The following SPHKAP variants were observed in gnomAD, a reference collection of about 807,000 sequenced individuals.
SPHKAP encodes A-kinase anchor protein SPHKAP.
Under a neutral mutation model 137.5 loss-of-function variants are expected in SPHKAP, and 67 were observed. That is an observed-to-expected ratio of 0.49 (90% CI 0.40 to 0.60). SPHKAP has a LOEUF of 0.60. Ranked by LOEUF, SPHKAP falls within the 20% of genes least tolerant of loss-of-function variation. The pLI, the probability that SPHKAP is intolerant of heterozygous loss-of-function variation, is 0.00. For missense variants in SPHKAP, 2,097 were observed against 2,069.3 expected, an observed-to-expected ratio of 1.01 and a Z score of -0.26; for synonymous variants, 813 against 785.3, an observed-to-expected ratio of 1.04 and a Z score of -0.59.
chr2:228,039,120 T>C (rs1449689878), intron 3 of SPHKAP, among the ~76,000 whole-genome samples: 3 of 152,232 alleles, frequency 2.0e-5, no homozygotes, highest in Non-Finnish European at 4.4e-5. Context: ...ATAAAATACA[T>C]TTCTTTTGTG....
At chr2:228,091,015 AG>A (rs1224200433) in intron 3 of SPHKAP, among the ~76,000 whole-genome samples, 1 of 152,254 alleles carries the variant, frequency 6.6e-6, no homozygotes, top group South Asian at 2.1e-4. Context: ...TATTAAAAAT[AG>A]TAGTAACATG....
intron 3 of SPHKAP, among the ~76,000 whole-genome samples, chr2:228,076,710 CAG>C (rs1348118257): frequency 6.6e-6 from 1 of 152,116 alleles, no homozygotes; most frequent in Non-Finnish European, 1.5e-5. Flanking sequence ...AAAAGAGAAA[CAG>C]AGCATAAAAG....
At chr2:228,076,908 G>A (rs1470867160) in intron 3 of SPHKAP, among the ~76,000 whole-genome samples, 1 of 152,142 alleles carries the variant, frequency 6.6e-6, no homozygotes, top group East Asian at 1.9e-4. Context: ...CACAGACCCT[G>A]AGGTCTAGAA....
chr2:227,987,708 C>T (rs1693263546), intron 11 of SPHKAP, among the ~76,000 whole-genome samples: 1 of 151,994 alleles, frequency 6.6e-6, no homozygotes, highest in South Asian at 2.1e-4. Context: ...GTGCCCCCAA[C>T]TCCAAGGCCA....
intron 3 of SPHKAP, among the ~76,000 whole-genome samples, chr2:228,097,872 C>T (rs1429224038): frequency 6.6e-6 from 1 of 152,074 alleles, no homozygotes; most frequent in Non-Finnish European, 1.5e-5. Flanking sequence ...TTTTCTTTAC[C>T]CAGTCCACCA....
intron 7 of SPHKAP, among the ~76,000 whole-genome samples, chr2:228,009,111 T>C (rs1018781887): frequency 6.6e-6 from 1 of 152,198 alleles, no homozygotes; most frequent in Non-Finnish European, 1.5e-5. Context: ...ACGAATAGCC[T>C]TTATTTTTGA....
intron 2 of SPHKAP, among the ~76,000 whole-genome samples, chr2:228,113,862 G>C (rs899252680): frequency 6.6e-6 from 1 of 151,956 alleles, no homozygotes; most frequent in Non-Finnish European, 1.5e-5. Flanking sequence ...AGTATGCATT[G>C]AGAGCCAAAT....
intron 3 of SPHKAP, among the ~76,000 whole-genome samples, chr2:228,033,249 C>A (rs1474280826): frequency 6.6e-6 from 1 of 152,078 alleles, no homozygotes; most frequent in Non-Finnish European, 1.5e-5. Flanking sequence ...ATAAAACAGA[C>A]TTTAAACTAA....
chr2:227,997,737 T>C (rs538441488), intron 7 of SPHKAP, among the ~76,000 whole-genome samples: 6 of 152,330 alleles, frequency 3.9e-5, no homozygotes, highest in Admixed American at 1.3e-4. Context: ...TTCTTTCTTT[T>C]TGGTGAAATG....
At chr2:228,175,278 A>T (rs953502508) in intron 1 of SPHKAP, among the ~76,000 whole-genome samples, 2 of 150,538 alleles carry the variant, frequency 1.3e-5, no homozygotes, top group African/African-American at 4.9e-5. Context: ...AATGTCAGAA[A>T]TGGAATAAAT....
chr2:228,122,228 A>G (rs1698930589), intron 2 of SPHKAP, among the ~76,000 whole-genome samples: 1 of 152,200 alleles, frequency 6.6e-6, no homozygotes, highest in Non-Finnish European at 1.5e-5. Context: ...GCAGTGCAGC[A>G]TCAGCCTCAA....
chr2:227,998,289 C>T (rs1428288926), intron 7 of SPHKAP, among the ~76,000 whole-genome samples: 8 of 152,250 alleles, frequency 5.3e-5, no homozygotes, highest in African/African-American at 1.2e-4. Context: ...TGAGCCACTG[C>T]GCCCGGCCTT....
At chr2:228,113,894 C>T (rs1698613038) in intron 2 of SPHKAP, among the ~76,000 whole-genome samples, 1 of 152,042 alleles carries the variant, frequency 6.6e-6, no homozygotes, top group Non-Finnish European at 1.5e-5. Context: ...AATAAAAATG[C>T]AGACTTCAGT....
At chr2:228,141,932 C>CT (rs1335172413) in intron 1 of SPHKAP, among the ~76,000 whole-genome samples, 9 of 152,092 alleles carry the variant, frequency 5.9e-5, no homozygotes, top group African/African-American at 2.2e-4. Flanking sequence ...GTATATTTTT[C>CT]TTTTTCTGTT....
intron 3 of SPHKAP, among the ~76,000 whole-genome samples, chr2:228,086,865 G>C (rs981402375): frequency 8.5e-5 from 13 of 152,204 alleles, no homozygotes; most frequent in Non-Finnish European, 1.3e-4. Context: ...CCATTGGCCA[G>C]CTAGTGCCCT....
chr2:227,990,383 T>C (rs554645595), intron 11 of SPHKAP, among the ~76,000 whole-genome samples: 1 of 152,350 alleles, frequency 6.6e-6, no homozygotes, highest in South Asian at 2.1e-4. Context: ...AAATTGAGCT[T>C]GAAGACATTG....
intron 3 of SPHKAP, among the ~76,000 whole-genome samples, chr2:228,086,750 C>T (rs914865786): frequency 6.6e-6 from 1 of 152,142 alleles, no homozygotes; most frequent in African/African-American, 2.4e-5. Context: ...CTCTGAAGCT[C>T]TCCTCAAAGG....
intron 1 of SPHKAP, among the ~76,000 whole-genome samples, chr2:228,161,134 A>G (rs1206364389): frequency 6.6e-6 from 1 of 152,230 alleles, no homozygotes; most frequent in African/African-American, 2.4e-5. Flanking sequence ...GACTTAGTAA[A>G]GGAAGTCCAG....
At chr2:228,051,226 A>G (rs1696245208) in intron 3 of SPHKAP, among the ~76,000 whole-genome samples, 1 of 152,188 alleles carries the variant, frequency 6.6e-6, no homozygotes, top group Non-Finnish European at 1.5e-5. Context: ...TACATTGTAT[A>G]TTGTAATATT....
Sources: gnomAD v4.1 joint callset for allele counts (sites outside exome capture counted in the v4.1 genomes callset) on GRCh38, gnomAD v4.1.1 for gene constraint, MANE v1.5 for transcripts, NCBI Gene and HGNC (gene_info 2026-07-23, HGNC 2026-07-21) for gene names.